The following RBM27 variants were observed in gnomAD, a reference collection of about 807,000 sequenced individuals.
RBM27 encodes RNA-binding protein 27.
RBM27 carries 22 observed loss-of-function variants against 135.3 expected under a neutral mutation model. That is an observed-to-expected ratio of 0.16 (90% CI 0.12 to 0.23). The LOEUF (loss-of-function observed/expected upper bound fraction) is 0.23, where lower values mean the gene tolerates loss of function less well. RBM27 is among the 10% of genes least tolerant of loss of function. The probability of loss-of-function intolerance (pLI) is 1.00; values close to 1 mark genes in which losing one functional copy is unlikely to be tolerated. For synonymous variants in RBM27, 481 were observed against 442.4 expected (o/e 1.09, Z -1.10); for missense variants, 1,009 against 1,281.0 (o/e 0.79, Z 3.24).
At chr5:146,211,625 G>T (rs182177734) in intron 1 of RBM27, among the ~76,000 whole-genome samples, 334 of 151,850 alleles carry the variant, frequency 2.2e-3, no homozygotes, top group African/African-American at 7.6e-3. Context: ...GGGATTACGG[G>T]CATGTGCCAC....
intron 2 of RBM27, among the ~76,000 whole-genome samples, chr5:146,220,646 T>C (rs991218750): frequency 4.6e-5 from 7 of 152,074 alleles, no homozygotes; most frequent in Non-Finnish European, 8.8e-5. Flanking sequence ...CTTCTCAATC[T>C]AAAACATAGG....
chr5:146,270,005 T>C (rs1758794022), intron 17 of RBM27, among the ~76,000 whole-genome samples: 1 of 152,194 alleles, frequency 6.6e-6, no homozygotes, highest in Non-Finnish European at 1.5e-5. Context: ...GATGACACTA[T>C]TAAAGTGATG....
intron 1 of RBM27, among the ~76,000 whole-genome samples, chr5:146,208,217 G>A (rs1278685963): frequency 6.6e-6 from 1 of 152,076 alleles, no homozygotes; most frequent in Non-Finnish European, 1.5e-5. Flanking sequence ...GGCCTCCAAA[G>A]TGCTGGGATT....
intron 8 of RBM27, among the ~76,000 whole-genome samples, chr5:146,241,368 A>T (rs1757401629): frequency 6.6e-6 from 1 of 152,220 alleles, no homozygotes. Context: ...GACACTAGGG[A>T]GCCAAGGTGA....
At chr5:146,234,519 T>TAA (rs5871959) in intron 7 of RBM27, among the ~76,000 whole-genome samples, 76 of 148,948 alleles carry the variant, frequency 5.1e-4, no homozygotes, top group South Asian at 6.3e-4. Flanking sequence ...TTTTGTTATT[T>TAA]AAAAAAAAAA....
At chr5:146,282,862 G>T (rs145047476) in intron 19 of RBM27, among the ~76,000 whole-genome samples, 1 of 152,088 alleles carries the variant, frequency 6.6e-6, no homozygotes, top group African/African-American at 2.4e-5. Flanking sequence ...ACTTGGTAGC[G>T]TCATAATATA....
rs568959292 is a variant in RBM27, at chr5:146,217,164, G to A, written c.60-1821G>A. Among the ~76,000 whole-genome samples, 336 of 151,612 alleles carry A rather than the reference G, an allele frequency of 2.2e-3. 3 individuals carry two copies. Among genetic ancestry groups the A allele is most frequent in the African/African-American group, 7.3e-3 (302 of 41,308 alleles). ...GTATTTTTAGTAGAGACGGGGTTTC[G>A]TCATGTTGTCCAGGCTGGTCTTGAA... On this transcript the variant is annotated intron_variant, in intron 1 of 20. Coordinates refer to ENST00000265271, the MANE Select transcript of RBM27 (RefSeq NM_018989.2).
intron 2 of RBM27, among the ~76,000 whole-genome samples, chr5:146,219,454 T>A (rs1756347325): frequency 6.6e-6 from 1 of 151,338 alleles, no homozygotes; most frequent in Admixed American, 6.6e-5. Flanking sequence ...GCTCATCAGT[T>A]TTTTTCCCCC....
intron 1 of RBM27, among the ~76,000 whole-genome samples, chr5:146,218,234 A>G (rs1349778008): frequency 6.6e-6 from 1 of 152,226 alleles, no homozygotes; most frequent in Non-Finnish European, 1.5e-5. Context: ...ATTACTATAC[A>G]TCAGGAGTTG....
rs1324065792 is a variant in RBM27 at position 146,286,562 on chromosome 5, A to G, written c.*532A>G. 21 of 150,982 alleles carry G rather than the reference A, an allele frequency of 1.4e-4. No individual in the cohort carries two copies. Among genetic ancestry groups the G allele is most frequent in the Admixed American group, 1.2e-3 (18 of 15,126 alleles). The allele number at this position is 150,982 out of a possible 1,614,324, so 9.4% of individuals were successfully genotyped here. On this transcript the variant is annotated 3_prime_UTR_variant, in exon 21 of 21. Coordinates refer to ENST00000265271, the MANE Select transcript of RBM27 (RefSeq NM_018989.2). ...TTTTTTTTTACTTTGGAGGAGCCCA[A>G]TTTGTATTCAGTCTAAATTTGTTTT... is the stretch of plus-strand genomic sequence containing the variant.
chr5:146,216,574 A>AT (rs1756203099), intron 1 of RBM27, among the ~76,000 whole-genome samples: 1 of 152,232 alleles, frequency 6.6e-6, no homozygotes, highest in African/African-American at 2.4e-5. Flanking sequence ...CAATTTTAGA[A>AT]TTTAACAGTT....
intron 1 of RBM27, among the ~76,000 whole-genome samples, chr5:146,213,810 G>T (rs1276607346): frequency 1.3e-5 from 2 of 152,068 alleles, no homozygotes; most frequent in Non-Finnish European, 2.9e-5. Context: ...TACAGATGAG[G>T]TATTTTTAGG....
chr5:146,232,714 G>A lies in RBM27; in HGVS notation c.851-736G>A, dbSNP rs184156220. Among the ~76,000 whole-genome samples the A allele has an allele frequency of 4.3e-4, 66 of 152,080 alleles. 2 individuals are homozygous for A. The East Asian group carries it at 0.012, about 27-fold the overall frequency. ...CTCCTGAGTAGCTGGGACTACAAGC[G>A]CGTGCCACCACGCCCAGCTAATTTT... On this transcript the variant is annotated intron_variant, in intron 6 of 20. Transcript: ENST00000265271.
intron 10 of RBM27, among the ~76,000 whole-genome samples, chr5:146,256,217 T>C (rs778913302): frequency 6.7e-6 from 1 of 149,786 alleles, no homozygotes; most frequent in Non-Finnish European, 1.5e-5. Flanking sequence ...CTGCTGTTAA[T>C]AACACTATTA....
intron 8 of RBM27, among the ~76,000 whole-genome samples, chr5:146,251,078 C>A (rs1291635507): frequency 6.6e-6 from 1 of 152,126 alleles, no homozygotes; most frequent in Non-Finnish European, 1.5e-5. Context: ...GCCACCGTGC[C>A]TGGCCTGTCC....
intron 2 of RBM27, among the ~76,000 whole-genome samples, chr5:146,222,922 C>A (rs113099496): frequency 2.6e-5 from 4 of 152,186 alleles, no homozygotes; most frequent in African/African-American, 9.6e-5. Flanking sequence ...TAAAGGTATA[C>A]CATGAAAGTC....
At chr5:146,274,781 T>C (rs894986738) in intron 19 of RBM27, among the ~76,000 whole-genome samples, 13 of 152,100 alleles carry the variant, frequency 8.5e-5, no homozygotes, top group Non-Finnish European at 1.5e-4. Flanking sequence ...GTGCAGGTTA[T>C]ATATATAACA....
intron 7 of RBM27, among the ~76,000 whole-genome samples, chr5:146,236,548 A>G (rs1193156699): frequency 6.6e-6 from 1 of 152,208 alleles, no homozygotes; most frequent in Non-Finnish European, 1.5e-5. Flanking sequence ...AAGCTTGCAT[A>G]TATTAAATTC....
chr5:146,240,773 A>G (rs1757374240), intron 8 of RBM27, among the ~76,000 whole-genome samples: 1 of 152,196 alleles, frequency 6.6e-6, no homozygotes, highest in African/African-American at 2.4e-5. Flanking sequence ...ATCACATTTG[A>G]TACTTAAGTA....
Sources: gnomAD v4.1 joint callset for allele counts (sites outside exome capture counted in the v4.1 genomes callset) on GRCh38, gnomAD v4.1.1 for gene constraint, MANE v1.5 for transcripts, NCBI Gene and HGNC (gene_info 2026-07-23, HGNC 2026-07-21) for gene names.